The following GOLGA5 variants were observed in gnomAD, a reference collection of about 807,000 sequenced individuals.
The protein encoded by GOLGA5 is golgin subfamily A member 5.
Under a neutral mutation model 93.5 loss-of-function variants are expected in GOLGA5, and 50 were observed. The ratio of observed to expected loss-of-function variants is 0.53; its 90% CI spans 0.43 to 0.68. GOLGA5 has a LOEUF of 0.68. Among genes scored for constraint, GOLGA5 ranks in the 30% least tolerant of loss-of-function variants. The pLI, the probability that GOLGA5 is intolerant of heterozygous loss-of-function variation, is 0.00. For synonymous variants in GOLGA5, 312 were observed against 304.5 expected (o/e 1.02, Z -0.26); for missense variants, 760 against 856.4 (o/e 0.89, Z 1.40).
intron 7 of GOLGA5, 121 bp downstream of exon 7, chr14:92,816,542 G>GCTTCA: frequency 4.3e-6 from 3 of 699,878 alleles, no homozygotes; most frequent in Middle Eastern, 3.9e-4. Flanking sequence ...GCTTCGCTTC[G>GCTTCA]CTTCTCTTCT....
At chr14:92,799,442 A>ATT (rs1398774251) in intron 2 of GOLGA5, among the ~76,000 whole-genome samples, 2,775 of 49,052 alleles carry the variant, frequency 0.057, 63 homozygotes, top group Admixed American at 0.22. Context: ...ACGCCTGGCT[A>ATT]ATTTTTTTTT....
chr14:92,809,400 T>C lies in GOLGA5; in HGVS notation c.873T>C (p.Thr291=). ...TCCGAGCCCAAGTAGATGACCTGAC[T>C]GAAGCTGTGGCTGCAAAGGATTCCC... The part of the protein sequence containing the change: ...RGLRAQVDDL[T]EAVAAKDSQL... The change falls in exon 4 of 13, where the codon ACT becomes ACC. Residue 291 remains threonine (T), a synonymous_variant. Coordinates refer to ENST00000163416, the MANE Select transcript of GOLGA5 (RefSeq NM_005113.4). 6.2e-7 allele frequency: 1 copy of C among 1,613,616 alleles called. No homozygotes were observed. The highest frequency in any genetic ancestry group is 1.3e-5 in the African/African-American group (1 of 75,016).
chr14:92,803,501 C>T (rs1384687273), intron 2 of GOLGA5, among the ~76,000 whole-genome samples: 2 of 152,168 alleles, frequency 1.3e-5, no homozygotes, highest in Admixed American at 1.3e-4. Flanking sequence ...TTTGCTAGAA[C>T]TCTGTGCTAA....
intron 3 of GOLGA5, among the ~76,000 whole-genome samples, chr14:92,807,833 A>C (rs1294131176): frequency 2.0e-5 from 3 of 152,098 alleles, no homozygotes; most frequent in African/African-American, 7.2e-5. Context: ...CGAGTGACAA[A>C]ATTGCTGCCT....
chr14:92,794,644 GCCC>G, intron 1 of GOLGA5, among the ~76,000 whole-genome samples, 188 bp downstream of exon 1: 1 of 152,348 alleles, frequency 6.6e-6, no homozygotes, highest in South Asian at 2.1e-4. Flanking sequence ...GTCGTTTACT[GCCC>G]TCCTCTGTCT....
rs183339423 is a variant in GOLGA5, at chr14:92,810,322, T to A, written c.1061T>A (p.Leu354Gln). 2.5e-6 allele frequency: 4 copies of A among 1,607,920 alleles called. No homozygotes were observed. In the South Asian group the frequency reaches 4.4e-5, roughly 18 times the overall value. The change falls in exon 5 of 13, where the codon CTG (leucine) becomes CAG (glutamine). Residue 354 changes from leucine to glutamine, a missense_variant. Physicochemically the swap from Leu to Gln is moderately radical, Grantham distance 113. Coordinates refer to ENST00000163416, the MANE Select transcript of GOLGA5 (RefSeq NM_005113.4). ...GCTCTGCAGACTTTTCAGGAGAGAC[T>A]GCATGAAGCGGATGCCACTCTGAAG... is the stretch of plus-strand genomic sequence containing the variant. ...NQALQTFQER[L>Q]HEADATLKRE...
chr14:92,839,425 C>T lies in GOLGA5; in HGVS notation c.2175C>T (p.His725=), dbSNP rs747957954. The part of the protein sequence containing the change: ...VLLTYTPEMH[H]DQPYGK ...TGACTTACACACCAGAAATGCACCA[C>T]GACCAACCATATGGCAAATGAACCA... Residue 725 remains histidine (H), a synonymous_variant, in exon 13 of 13, where the codon CAC becomes CAT. Coordinates refer to ENST00000163416, the MANE Select transcript of GOLGA5 (RefSeq NM_005113.4). The T allele has an allele frequency of 1.3e-5, 21 of 1,608,992 alleles. No homozygotes were observed. Among genetic ancestry groups the T allele is most frequent in the South Asian group, 3.3e-5 (3 of 91,022 alleles).
chr14:92,800,700 G>T (rs1228195658), intron 2 of GOLGA5, among the ~76,000 whole-genome samples: 1 of 152,094 alleles, frequency 6.6e-6, no homozygotes, highest in Non-Finnish European at 1.5e-5. Flanking sequence ...ATCTGATTTT[G>T]TTGTTGTTGT....
chr14:92,816,784 TC>T (rs1288990351), intron 7 of GOLGA5, among the ~76,000 whole-genome samples: 15 of 152,338 alleles, frequency 9.8e-5, no homozygotes, highest in Non-Finnish European at 2.1e-4. Context: ...GGTCCCAAAC[TC>T]CTGGCCTCAA....
intron 1 of GOLGA5, among the ~76,000 whole-genome samples, chr14:92,796,456 C>T (rs1243869201): frequency 6.6e-6 from 1 of 152,154 alleles, no homozygotes; most frequent in African/African-American, 2.4e-5. Flanking sequence ...TCTGCCTTCT[C>T]CCTCTGTCCT....
intron 1 of GOLGA5, among the ~76,000 whole-genome samples, chr14:92,795,489 C>A (rs1009351609): frequency 5.9e-5 from 9 of 152,164 alleles, no homozygotes; most frequent in African/African-American, 2.2e-4. Context: ...TCTTTCTAAA[C>A]CCTTTCCACA....
rs34061602 is a variant in GOLGA5 at position 92,837,510 on chromosome 14, G to C, written c.2115+61G>C. On this transcript the variant is annotated intron_variant, in intron 12 of 12. Transcript: ENST00000163416. The stretch of plus-strand genomic sequence containing the variant: ...TGATTTTTAACTAGTTTTTTTTTTT[G>C]TTTGTTTGTTTGTTTTGGCTACAGA... The C allele has an allele frequency of 9.4e-3, 7,204 of 767,446 alleles. 66 individuals carry two copies. Among genetic ancestry groups the C allele is most frequent in the Non-Finnish European group, 0.013 (5,423 of 430,220 alleles). The allele number at this position is 767,446 out of a possible 1,614,324, so 47.5% of individuals were successfully genotyped here.
At chr14:92,827,402 G>A (rs186363749) in intron 9 of GOLGA5, among the ~76,000 whole-genome samples, 12 of 152,222 alleles carry the variant, frequency 7.9e-5, no homozygotes, top group African/African-American at 2.9e-4. Context: ...TATAACTATT[G>A]TAATTGTTTT....
At chr14:92,837,827 G>A (rs1885678506) in intron 12 of GOLGA5, among the ~76,000 whole-genome samples, 1 of 152,182 alleles carries the variant, frequency 6.6e-6, no homozygotes, top group African/African-American at 2.4e-5. Context: ...GCCTCTCAGA[G>A]TGCTGGGATT....
At position 92,797,751 on chromosome 14, in the gene GOLGA5, G is replaced by C. The variant is rs201517262; in HGVS notation, c.314G>C (p.Arg105Thr). The part of the protein sequence containing the change: ...SHPVENASVP[R>T]PSSHFVRRKK... ...CCTGTTGAAAATGCATCTGTTCCTA[G>C]GCCTTCATCCCATTTTGTGCGAAGA... The change falls in exon 2 of 13, where the codon AGG (arginine) becomes ACG (threonine). Residue 105 changes from arginine (R) to threonine (T), a missense_variant. By Grantham distance (71) the Arg-to-Thr change is moderately conservative (BLOSUM62 -1). Coordinates refer to ENST00000163416, the MANE Select transcript of GOLGA5 (RefSeq NM_005113.4). 112 of 1,613,292 alleles carry C rather than the reference G, an allele frequency of 6.9e-5. No homozygotes were observed. Among genetic ancestry groups the C allele is most frequent in the Non-Finnish European group, 9.2e-5 (108 of 1,179,558 alleles).
intron 1 of GOLGA5, 32 bp from the exon 2 acceptor site, chr14:92,797,376 G>A: frequency 7.9e-7 from 1 of 1,272,460 alleles, no homozygotes; most frequent in South Asian, 1.4e-5. Flanking sequence ...CTGCCACTAT[G>A]CCACACTGAT....
chr14:92,809,304 A>G lies in GOLGA5; in HGVS notation c.777A>G (p.Leu259=). The G allele has an allele frequency of 6.2e-7, 1 of 1,604,930 alleles. No homozygotes were observed. The highest frequency in any genetic ancestry group is 8.5e-7 in the Non-Finnish European group (1 of 1,171,724). ...GAAATTTAAATTTTTTAATAGAATT[A>G]AACAAAGCAAGAGCAAGAGTTGAAA... ...LQRSKETQEE[L]NKARARVEKW... is the part of the protein sequence containing the mutation. Residue 259 remains leucine (L), a synonymous_variant, in exon 4 of 13, where the codon TTA becomes TTG. Transcript: ENST00000163416.
chr14:92,835,408 G>T (rs1445244902), intron 10 of GOLGA5, 151 bp from the exon 11 acceptor site: 2 of 471,086 alleles, frequency 4.2e-6, no homozygotes, highest in Non-Finnish European at 7.6e-6. Context: ...AAATTTACCT[G>T]TCCTTTCTTT....
At chr14:92,815,929 C>G (rs1885194526) in intron 6 of GOLGA5, among the ~76,000 whole-genome samples, 1 of 151,722 alleles carries the variant, frequency 6.6e-6, no homozygotes, top group Non-Finnish European at 1.5e-5. Flanking sequence ...ATGGTCTCGA[C>G]CTCCTGACCT....
Sources: allele counts gnomAD v4.1 joint callset (sites outside exome capture counted in the v4.1 genomes callset), GRCh38; gene constraint gnomAD v4.1.1; transcripts MANE v1.5; gene names NCBI Gene and HGNC (gene_info 2026-07-23, HGNC 2026-07-21).